COL5A2: variants seen among roughly 807,000 people sequenced by gnomAD.
COL5A2 encodes collagen type V alpha 2 chain.
A neutral mutation model predicts 208.2 loss-of-function variants in COL5A2; 23 were observed. The observed-to-expected ratio is 0.11, with a 90% CI of 0.08 to 0.16. The LOEUF is 0.16. COL5A2 is among the 10% of genes least tolerant of loss of function. COL5A2 has a pLI of 1.00. For synonymous variants in COL5A2, 625 were observed against 628.5 expected, an observed-to-expected ratio of 0.99 and a Z score of 0.08; for missense variants, 1,590 against 1,956.4, an observed-to-expected ratio of 0.81 and a Z score of 3.53.
At chr2:189,416,781 C>T in the COL5A2 span, among the ~76,000 whole-genome samples, 1 of 152,094 alleles carries the variant, frequency 6.6e-6, no homozygotes, top group African/African-American at 2.4e-5. Context: ...TATTTCAAAA[C>T]TTCTGTATTT....
intron 1 of COL5A2, among the ~76,000 whole-genome samples, chr2:189,146,565 C>G (rs1688043440): frequency 6.6e-6 from 1 of 151,788 alleles, no homozygotes; most frequent in Non-Finnish European, 1.5e-5. Context: ...AATGATTAAG[C>G]CTAGCATTTG....
intron 17 of COL5A2, among the ~76,000 whole-genome samples, chr2:189,074,186 T>A (rs896174370): frequency 2.0e-5 from 3 of 152,150 alleles, no homozygotes; most frequent in African/African-American, 4.8e-5. Flanking sequence ...GGAGATGATC[T>A]TTCTGGTCAT....
intron 25 of COL5A2, among the ~76,000 whole-genome samples, 197 bp from the exon 26 acceptor site, chr2:189,064,230 T>C (rs1686096634): frequency 6.6e-6 from 1 of 151,818 alleles, no homozygotes; most frequent in Non-Finnish European, 1.5e-5. Flanking sequence ...TATATTGCTA[T>C]AAAAGTATAT....
chr2:189,166,626 G>T lies in COL5A2; in HGVS notation c.97+12882C>A, dbSNP rs530987884. On this transcript the variant is annotated intron_variant, in intron 1 of 53. Transcript: ENST00000374866. ...AGACTTGAAGTAATTTTAACATTTGGATTGTGGAACCCTCCGTGGGCAAGT... is the reference window on the plus strand; with the variant it reads ...AGACTTGAAGTAATTTTAACATTTGTATTGTGGAACCCTCCGTGGGCAAGT... Among the ~76,000 whole-genome samples, 3 of 152,266 alleles carry T rather than the reference G, an allele frequency of 2.0e-5. 1 individual carries two copies. The South Asian group carries it at 6.2e-4, about 32-fold the overall frequency.
At chr2:189,189,773 G>A (rs1438775227) in intron 1 of COL5A2, among the ~76,000 whole-genome samples, 2 of 151,770 alleles carry the variant, frequency 1.3e-5, no homozygotes, top group African/African-American at 2.4e-5. Context: ...TAACAAATAC[G>A]CATTAAGAAA....
intron 1 of COL5A2, among the ~76,000 whole-genome samples, chr2:189,131,157 A>G (rs1250084723): frequency 1.3e-5 from 2 of 152,162 alleles, no homozygotes; most frequent in Non-Finnish European, 2.9e-5. Context: ...CAGAGACCTG[A>G]GGGAAATAAC....
the COL5A2 span, among the ~76,000 whole-genome samples, chr2:189,406,243 T>C: frequency 6.6e-6 from 1 of 152,212 alleles, no homozygotes; most frequent in South Asian, 2.1e-4. Context: ...TTTTATACTA[T>C]ACTGCTGAAA....
At chr2:189,386,189 A>G in the COL5A2 span, among the ~76,000 whole-genome samples, 1 of 152,136 alleles carries the variant, frequency 6.6e-6, no homozygotes, top group Non-Finnish European at 1.5e-5. Context: ...GGGTGGGGAC[A>G]CAGCCAAACT....
chr2:189,350,536 G>A, the COL5A2 span, among the ~76,000 whole-genome samples: 1 of 152,128 alleles, frequency 6.6e-6, no homozygotes, highest in East Asian at 1.9e-4. Context: ...TCATTCCAAG[G>A]TGTGAAGGCC....
the COL5A2 span, among the ~76,000 whole-genome samples, chr2:189,304,051 T>C: frequency 6.6e-6 from 1 of 152,234 alleles, no homozygotes; most frequent in Non-Finnish European, 1.5e-5. Flanking sequence ...TCTTTTTCTG[T>C]ATCTCAAAAT....
chr2:189,116,155 C>T (rs930106773), intron 1 of COL5A2, among the ~76,000 whole-genome samples: 1 of 152,184 alleles, frequency 6.6e-6, no homozygotes. Context: ...CCTTGAGGGA[C>T]TATAATCATG....
the COL5A2 span, among the ~76,000 whole-genome samples, chr2:189,394,280 T>C: frequency 6.6e-6 from 1 of 152,158 alleles, no homozygotes; most frequent in Non-Finnish European, 1.5e-5. Flanking sequence ...AGATTCTTCA[T>C]ACAAAGCCTT....
At position 189,034,114 on chromosome 2, in the gene COL5A2, C is replaced by G. The variant is rs907875450; in HGVS notation, c.4456G>C (p.Asp1486His). 2 of 1,614,036 alleles carry G rather than the reference C, an allele frequency of 1.2e-6. No individual in the cohort carries two copies. The highest frequency in any genetic ancestry group is 1.7e-6 in the Non-Finnish European group (2 of 1,179,936). ...CCAATTTCAACGCCGAATTCCTGGT[C>G]TGTGCCGCCAACATCCACAGGAGCA... is the stretch of plus-strand genomic sequence containing the variant. ...DLAPVDVGGT[D>H]QEFGVEIGPV... The change falls in exon 54 of 54, where the codon GAC becomes CAC. Residue 1486 changes from aspartate to histidine, a missense_variant. Coordinates refer to ENST00000374866, the MANE Select transcript of COL5A2 (RefSeq NM_000393.5).
At chr2:189,063,094 C>A (rs779873764) in intron 27 of COL5A2, 31 bp from the exon 28 acceptor site, 6 of 1,613,496 alleles carry the variant, frequency 3.7e-6, no homozygotes, top group Non-Finnish European at 5.1e-6. Context: ...TTGTATAATT[C>A]CTTCAATTTG....
chr2:189,253,232 T>C, the COL5A2 span, among the ~76,000 whole-genome samples: 1 of 152,222 alleles, frequency 6.6e-6, no homozygotes, highest in African/African-American at 2.4e-5. Context: ...AGAGACAGGT[T>C]GGCAGAATGG....
chr2:189,217,070 CA>C (rs905104193), intron 1 of COL5A2, among the ~76,000 whole-genome samples: 24 of 148,482 alleles, frequency 1.6e-4, no homozygotes, highest in South Asian at 4.3e-4. Context: ...AAATAATTCT[CA>C]AAAAAAAAAT....
chr2:189,385,544 C>T, the COL5A2 span, among the ~76,000 whole-genome samples: 4 of 152,036 alleles, frequency 2.6e-5, no homozygotes, highest in African/African-American at 7.2e-5. Flanking sequence ...AATTGCCATA[C>T]TCCACAAAGC....
At chr2:189,178,664 A>C (rs2105829890) in intron 1 of COL5A2, among the ~76,000 whole-genome samples, 1 of 151,744 alleles carries the variant, frequency 6.6e-6, no homozygotes. Context: ...TAACATATGA[A>C]AATTGCATAG....
At chr2:189,265,947 G>A in the COL5A2 span, among the ~76,000 whole-genome samples, 2 of 151,964 alleles carry the variant, frequency 1.3e-5, no homozygotes, top group Non-Finnish European at 2.9e-5. Flanking sequence ...GTGACCATAT[G>A]ACCCAAATAT....
Sources: gnomAD v4.1 joint callset for allele counts (sites outside exome capture counted in the v4.1 genomes callset) on GRCh38, gnomAD v4.1.1 for gene constraint, MANE v1.5 for transcripts, NCBI Gene and HGNC (gene_info 2026-07-23, HGNC 2026-07-21) for gene names.